Variants in RUNX1T1 observed in about 807,000 individuals in gnomAD.
RUNX1T1 encodes the protein protein CBFA2T1.
A neutral mutation model predicts 62.8 loss-of-function variants in RUNX1T1; 4 were observed. That is an observed-to-expected ratio of 0.06 (90% CI 0.03 to 0.15). RUNX1T1 has a LOEUF of 0.15. Ranked by LOEUF, RUNX1T1 falls within the 10% of genes least tolerant of loss-of-function variation. The pLI is 1.00. For missense variants in RUNX1T1, 508 were observed against 754.3 expected (o/e 0.67, Z 3.82); for synonymous variants, 291 against 286.0 (o/e 1.02, Z -0.18).
intron 1 of RUNX1T1, among the ~76,000 whole-genome samples, chr8:92,028,492 G>A (rs564498449): frequency 3.8e-4 from 58 of 152,182 alleles, no homozygotes; most frequent in Middle Eastern, 3.4e-3. Flanking sequence ...GGTACCAAAT[G>A]GATATTAAGT....
In RUNX1T1 at chr8:91,991,894, AG is replaced by A; in HGVS notation, c.660-6del. On this transcript the variant is annotated splice_region_variant and splice_polypyrimidine_tract_variant and intron_variant, in intron 5 of 10. Coordinates refer to ENST00000396218, the Ensembl canonical transcript of RUNX1T1. ...TCAAAGCCATTTTCTTTGGTTCTAA[AG>A]GGGGAAAAAACAAGAGTTTGTTTCA... 6.2e-7 allele frequency: 1 copy of A among 1,613,832 alleles called. No homozygotes were observed. The highest frequency in any genetic ancestry group is 1.1e-5 in the South Asian group (1 of 91,080).
chr8:92,101,956 G>A (rs1193058198), upstream of RUNX1T1, among the ~76,000 whole-genome samples: 2 of 152,278 alleles, frequency 1.3e-5, no homozygotes, highest in African/African-American at 4.8e-5. Context: ...TCACCAGAGG[G>A]GTTTCTGGAA....
intron 1 of RUNX1T1, among the ~76,000 whole-genome samples, chr8:92,092,160 T>G (rs1367893245): frequency 1.3e-5 from 2 of 152,220 alleles, no homozygotes; most frequent in Middle Eastern, 3.2e-3. Flanking sequence ...AGTTTAATTC[T>G]CTCTGCCCAT....
chr8:91,958,945 T>A (rs1248786745), exon 11 of RUNX1T1: 2 of 190,650 alleles, frequency 1.0e-5, no homozygotes, highest in African/African-American at 5.0e-5. Context: ...CCAAAAAGAG[T>A]CTTTTTTTCC....
At chr8:92,040,881 AT>A (rs897004177) in intron 1 of RUNX1T1, among the ~76,000 whole-genome samples, 1 of 151,524 alleles carries the variant, frequency 6.6e-6, no homozygotes, top group East Asian at 1.9e-4. Flanking sequence ...AATAATATAA[AT>A]TTTTTTTTCA....
intron 9 of RUNX1T1, among the ~76,000 whole-genome samples, chr8:91,971,399 A>G (rs1345146826): frequency 2.0e-5 from 3 of 152,004 alleles, no homozygotes; most frequent in Non-Finnish European, 2.9e-5. Context: ...AAGAGTTCAG[A>G]AAAAAAAGAG....
At chr8:92,096,289 A>G (rs1035548759) in intron 1 of RUNX1T1, among the ~76,000 whole-genome samples, 9 of 152,116 alleles carry the variant, frequency 5.9e-5, no homozygotes, top group Admixed American at 1.3e-4. Flanking sequence ...CTGAGAGTCT[A>G]TTTTGGAGGT....
intron 6 of RUNX1T1, among the ~76,000 whole-genome samples, chr8:91,991,407 GA>G (rs1817646489): frequency 6.6e-6 from 1 of 152,100 alleles, no homozygotes; most frequent in Non-Finnish European, 1.5e-5. Context: ...CTCCTCCAAA[GA>G]AATTTAGTGT....
chr8:92,049,255 C>G (rs1829882031), intron 1 of RUNX1T1, among the ~76,000 whole-genome samples: 2 of 152,196 alleles, frequency 1.3e-5, no homozygotes, highest in South Asian at 4.1e-4. Flanking sequence ...CCTCAAACCT[C>G]ACAAGCCTAT....
intron 2 of RUNX1T1, among the ~76,000 whole-genome samples, chr8:92,070,025 T>C (rs1222712045): frequency 6.6e-6 from 1 of 152,246 alleles, no homozygotes; most frequent in Non-Finnish European, 1.5e-5. Flanking sequence ...CTCTCACAGA[T>C]TGTTTTTCTT....
Position 92,004,902 on chromosome 8 carries a change from T to C in RUNX1T1, c.659+214A>G, listed in dbSNP as rs576011281. ...GCTTTAATACTACAAGCAGAAAAGA[T>C]TAACCTACACAAAAGCCAAACTGTC... On this transcript the variant is annotated intron_variant, in intron 5 of 10. Coordinates refer to ENST00000396218, the Ensembl canonical transcript of RUNX1T1. The C allele has an allele frequency of 2.6e-5, 12 of 466,966 alleles. 1 individual carries two copies. Among genetic ancestry groups the C allele is most frequent in the Non-Finnish European group, 4.5e-5 (12 of 268,590 alleles). The allele number at this position is 466,966 out of a possible 1,614,324, so 28.9% of individuals were successfully genotyped here.
chr8:91,970,733 G>A, exon 10 of RUNX1T1: 2 of 1,613,798 alleles, frequency 1.2e-6, no homozygotes, highest in South Asian at 1.1e-5. Flanking sequence ...CGGCGACCGT[G>A]CGCTCCATCT....
At chr8:91,971,197 AT>A (rs1563632516) in intron 9 of RUNX1T1, 1 of 187,812 alleles carries the variant, frequency 5.3e-6, no homozygotes, top group East Asian at 1.3e-4. Context: ...TTATGGAAAT[AT>A]TTTTTGAAAC....
chr8:92,068,322 A>G (rs1833175033), intron 2 of RUNX1T1, among the ~76,000 whole-genome samples: 1 of 152,092 alleles, frequency 6.6e-6, no homozygotes, highest in Non-Finnish European at 1.5e-5. Flanking sequence ...CAATGTCACC[A>G]CCTCCTCATC....
At chr8:92,054,745 T>C (rs928697671) in intron 1 of RUNX1T1, among the ~76,000 whole-genome samples, 4 of 152,152 alleles carry the variant, frequency 2.6e-5, no homozygotes, top group African/African-American at 9.7e-5. Context: ...CTCATGCCTA[T>C]AATCCCAGCA....
chr8:92,034,713 C>CACATATATATACACACGTAT (rs1196306574), intron 1 of RUNX1T1, among the ~76,000 whole-genome samples: 2 of 149,592 alleles, frequency 1.3e-5, no homozygotes, highest in Admixed American at 6.7e-5. Context: ...CATATATATA[C>CACATATATATACACACGTAT]ACATATATAT....
chr8:92,094,064 C>T (rs1184972272), intron 1 of RUNX1T1, among the ~76,000 whole-genome samples: 1 of 152,182 alleles, frequency 6.6e-6, no homozygotes, highest in Non-Finnish European at 1.5e-5. Context: ...ATGTGCCACT[C>T]TGGCCAGTTG....
At chr8:92,027,528 A>G (rs1228897538) in intron 1 of RUNX1T1, among the ~76,000 whole-genome samples, 1 of 152,192 alleles carries the variant, frequency 6.6e-6, no homozygotes, top group Non-Finnish European at 1.5e-5. Flanking sequence ...ACATTTGATG[A>G]TGATGAGATA....
chr8:92,027,273 G>A (rs1825398976), intron 1 of RUNX1T1, among the ~76,000 whole-genome samples: 2 of 152,066 alleles, frequency 1.3e-5, no homozygotes, highest in African/African-American at 4.8e-5. Context: ...AAATTTACAT[G>A]TGCCTGATGG....
Sources: allele counts gnomAD v4.1 joint callset (sites outside exome capture counted in the v4.1 genomes callset), GRCh38; gene constraint gnomAD v4.1.1; transcripts MANE v1.5; gene names NCBI Gene and HGNC (gene_info 2026-07-23, HGNC 2026-07-21).